Variants in CTNNA2 observed in about 807,000 individuals in gnomAD.
CTNNA2 encodes the protein catenin alpha 2, also known as catenin alpha-2.
A neutral mutation model predicts 101.0 loss-of-function variants in CTNNA2; 42 were observed. The ratio of observed to expected loss-of-function variants is 0.42; its 90% CI spans 0.32 to 0.54. The LOEUF (loss-of-function observed/expected upper bound fraction) is 0.54. Among genes scored for constraint, CTNNA2 ranks in the 20% least tolerant of loss-of-function variants. The probability of loss-of-function intolerance (pLI) is 0.14; values close to 1 mark genes in which losing one functional copy is unlikely to be tolerated. For missense variants in CTNNA2, 871 were observed against 1,223.1 expected, an observed-to-expected ratio of 0.71 and a Z score of 4.29; for synonymous variants, 450 against 456.4, an observed-to-expected ratio of 0.99 and a Z score of 0.18.
At chr2:80,511,889 G>C (rs1439811200) in intron 9 of CTNNA2, among the ~76,000 whole-genome samples, 2 of 152,046 alleles carry the variant, frequency 1.3e-5, no homozygotes, top group Non-Finnish European at 2.9e-5. Context: ...GGTGGCTTAT[G>C]CCTGTAATCC....
chr2:79,937,675 C>G (rs1425250382), intron 7 of CTNNA2, among the ~76,000 whole-genome samples: 1 of 152,120 alleles, frequency 6.6e-6, no homozygotes, highest in Admixed American at 6.5e-5. Context: ...CTGAAGCCGG[C>G]CAAGGGCCCT....
chr2:79,636,294 A>AGG (rs1168302262), intron 1 of CTNNA2, among the ~76,000 whole-genome samples: 1 of 131,598 alleles, frequency 7.6e-6, no homozygotes, highest in African/African-American at 3.0e-5. Flanking sequence ...AAAAAAAAAA[A>AGG]AAAAAGGAAG....
At chr2:80,019,629 C>A (rs1432754153) in intron 7 of CTNNA2, among the ~76,000 whole-genome samples, 1 of 152,158 alleles carries the variant, frequency 6.6e-6, no homozygotes, top group African/African-American at 2.4e-5. Context: ...AGGCCATTTA[C>A]TTTTATTTGT....
At chr2:80,534,467 T>C (rs1690817388) in intron 9 of CTNNA2, among the ~76,000 whole-genome samples, 1 of 152,144 alleles carries the variant, frequency 6.6e-6, no homozygotes, top group Non-Finnish European at 1.5e-5. Flanking sequence ...CTATACAACA[T>C]GAAGAGAGTT....
intron 7 of CTNNA2, among the ~76,000 whole-genome samples, chr2:79,920,732 A>C (rs1384826083): frequency 1.3e-5 from 2 of 152,168 alleles, no homozygotes; most frequent in Non-Finnish European, 2.9e-5. Flanking sequence ...ACTATAGTTA[A>C]AGCTTTATTT....
chr2:79,345,664 G>GT (rs1190813829), intron 3 of CTNNA2, among the ~76,000 whole-genome samples: 1 of 151,964 alleles, frequency 6.6e-6, no homozygotes, highest in South Asian at 2.1e-4. Flanking sequence ...AAATTGTGGG[G>GT]TTTTTTGTTT....
At chr2:80,268,633 A>T (rs1054019814) in intron 7 of CTNNA2, among the ~76,000 whole-genome samples, 1 of 152,184 alleles carries the variant, frequency 6.6e-6, no homozygotes, top group Admixed American at 6.5e-5. Flanking sequence ...ATGAAAATTT[A>T]TATCCCCCAA....
At position 80,017,530 on chromosome 2, in the gene CTNNA2, A is replaced by G. The variant is rs545079359; in HGVS notation, c.1056+107733A>G. On this transcript the variant is annotated intron_variant, in intron 7 of 18. Coordinates refer to ENST00000402739, the MANE Select transcript of CTNNA2 (RefSeq NM_001282597.3). ...TATATGTATATATGTAAATTTACCA[A>G]TGTAAATCAACAAGGGTAGCTTTAA... is the stretch of plus-strand genomic sequence containing the variant. 5.9e-5 allele frequency among the ~76,000 whole-genome samples: 9 copies of G among 151,804 alleles called. No individual in the cohort carries two copies. The South Asian group carries it at 1.9e-3, about 32-fold the overall frequency.
chr2:79,917,001 C>T (rs1686284010), intron 7 of CTNNA2, among the ~76,000 whole-genome samples: 1 of 152,086 alleles, frequency 6.6e-6, no homozygotes, highest in African/African-American at 2.4e-5. Flanking sequence ...GGCTAGAGAG[C>T]AGTGGCGCGA....
chr2:80,580,351 G>A (rs1695420495), intron 13 of CTNNA2, among the ~76,000 whole-genome samples: 2 of 152,104 alleles, frequency 1.3e-5, no homozygotes, highest in South Asian at 2.1e-4. Flanking sequence ...TTTATAGATT[G>A]GAAAGGATCT....
At chr2:79,734,221 C>T (rs1032574700) in intron 2 of CTNNA2, among the ~76,000 whole-genome samples, 11 of 152,080 alleles carry the variant, frequency 7.2e-5, no homozygotes, top group African/African-American at 2.4e-4. Context: ...CAGTGAATAT[C>T]TGGCATTATT....
chr2:79,699,502 C>G (rs1030738490), intron 2 of CTNNA2, among the ~76,000 whole-genome samples: 57 of 151,730 alleles, frequency 3.8e-4, no homozygotes, highest in African/African-American at 1.4e-3. Context: ...GGCCAAAAGT[C>G]TCTATATAAA....
intron 7 of CTNNA2, among the ~76,000 whole-genome samples, chr2:80,253,982 T>A (rs1419135172): frequency 6.6e-6 from 1 of 152,144 alleles, no homozygotes; most frequent in African/African-American, 2.4e-5. Flanking sequence ...TAGAGAGTGC[T>A]GAAGAAAAGA....
At chr2:79,605,554 G>A (rs764329221) in intron 1 of CTNNA2, among the ~76,000 whole-genome samples, 2 of 151,964 alleles carry the variant, frequency 1.3e-5, no homozygotes, top group Non-Finnish European at 2.9e-5. Context: ...AGTCAGAGGG[G>A]AAAAATACAT....
chr2:80,225,529 A>G (rs1489205943), intron 7 of CTNNA2, among the ~76,000 whole-genome samples: 1 of 152,164 alleles, frequency 6.6e-6, no homozygotes, highest in Non-Finnish European at 1.5e-5. Context: ...GTCCTTTGTG[A>G]TGTATATGTT....
At chr2:79,496,813 T>TA (rs1216162260) in intron 4 of CTNNA2, among the ~76,000 whole-genome samples, 2 of 151,866 alleles carry the variant, frequency 1.3e-5, no homozygotes, top group Admixed American at 6.6e-5. Flanking sequence ...GACTTTAAAA[T>TA]AAAAAAATAT....
At chr2:79,468,287 A>C (rs1670960887) in intron 4 of CTNNA2, among the ~76,000 whole-genome samples, 1 of 152,208 alleles carries the variant, frequency 6.6e-6, no homozygotes, top group African/African-American at 2.4e-5. Flanking sequence ...AAAGAAGGCC[A>C]TTACAGAATG....
At chr2:80,354,804 G>A (rs921118164) in intron 7 of CTNNA2, among the ~76,000 whole-genome samples, 1 of 152,046 alleles carries the variant, frequency 6.6e-6, no homozygotes, top group South Asian at 2.1e-4. Flanking sequence ...TGCCGGTCTG[G>A]GCCCATACTC....
intron 2 of CTNNA2, among the ~76,000 whole-genome samples, chr2:79,272,452 T>C (rs186212988): frequency 6.6e-6 from 1 of 152,228 alleles, no homozygotes; most frequent in African/African-American, 2.4e-5. Context: ...CATCACATAA[T>C]GTTCCTAGCT....
Sources: allele counts gnomAD v4.1 joint callset (sites outside exome capture counted in the v4.1 genomes callset), GRCh38; gene constraint gnomAD v4.1.1; transcripts MANE v1.5; gene names NCBI Gene and HGNC (gene_info 2026-07-23, HGNC 2026-07-21).